FAT3: variants seen among roughly 807,000 people sequenced by gnomAD.
FAT3 encodes FAT atypical cadherin 3.
In FAT3, 95 loss-of-function variants were observed where a neutral mutation model predicts 310.2. That is an observed-to-expected ratio of 0.31 (90% CI 0.26 to 0.36). The LOEUF (loss-of-function observed/expected upper bound fraction) is 0.36. Among genes scored for constraint, FAT3 ranks in the 10% least tolerant of loss-of-function variants. The pLI is 1.00. For missense variants in FAT3, 5,408 were observed against 5,715.6 expected, an observed-to-expected ratio of 0.95 and a Z score of 1.74; for synonymous variants, 2,314 against 2,192.9, an observed-to-expected ratio of 1.06 and a Z score of -1.54.
chr11:92,886,951 C>A, intron 24 of FAT3, 49 bp from the exon 25 acceptor site: 4 of 1,464,280 alleles, frequency 2.7e-6, no homozygotes, highest in Non-Finnish European at 3.8e-6. Context: ...TGGAAATAGG[C>A]ACAAGGTAAC....
chr11:92,622,688 G>A (rs1285443141), intron 3 of FAT3, among the ~76,000 whole-genome samples: 2 of 152,154 alleles, frequency 1.3e-5, no homozygotes, highest in African/African-American at 4.8e-5. Flanking sequence ...AAGAAGTAGT[G>A]GAAAACCAGC....
At chr11:92,246,174 CTT>C (rs1159550521) in intron 1 of FAT3, among the ~76,000 whole-genome samples, 6 of 151,966 alleles carry the variant, frequency 3.9e-5, no homozygotes, top group African/African-American at 1.2e-4. Context: ...ACTGAATACT[CTT>C]TTAAGAAGTT....
chr11:92,318,783 C>A (rs2134483782), intron 1 of FAT3, among the ~76,000 whole-genome samples: 1 of 152,262 alleles, frequency 6.6e-6, no homozygotes, highest in East Asian at 1.9e-4. Context: ...GGGGAAGATA[C>A]CAGGAGAACT....
chr11:92,782,099 A>G (rs1334013247), intron 7 of FAT3, among the ~76,000 whole-genome samples: 1 of 152,158 alleles, frequency 6.6e-6, no homozygotes, highest in Non-Finnish European at 1.5e-5. Context: ...ACTTGAGGCC[A>G]GGAATTCAAC....
intron 3 of FAT3, among the ~76,000 whole-genome samples, chr11:92,646,707 A>C (rs1422038223): frequency 2.6e-5 from 4 of 152,224 alleles, no homozygotes; most frequent in African/African-American, 4.8e-5. Flanking sequence ...AAGAATAGAT[A>C]AGGTTCAAAT....
chr11:92,429,347 T>G (rs1950712343), intron 2 of FAT3, among the ~76,000 whole-genome samples: 1 of 152,194 alleles, frequency 6.6e-6, no homozygotes, highest in South Asian at 2.1e-4. Context: ...TGCCAGTCTG[T>G]GTCTTTTAAT....
chr11:92,708,486 A>G (rs1201638465), intron 4 of FAT3, among the ~76,000 whole-genome samples: 1 of 152,264 alleles, frequency 6.6e-6, no homozygotes, highest in Non-Finnish European at 1.5e-5. Context: ...AATTGGGACA[A>G]TAATAATACC....
chr11:92,863,369 T>C (rs1949165925), intron 21 of FAT3, among the ~76,000 whole-genome samples: 1 of 152,216 alleles, frequency 6.6e-6, no homozygotes, highest in Non-Finnish European at 1.5e-5. Context: ...CAGTAAGACT[T>C]CATGCCATAA....
chr11:92,862,882 T>C (rs1475501792), intron 21 of FAT3, among the ~76,000 whole-genome samples: 1 of 152,134 alleles, frequency 6.6e-6, no homozygotes, highest in Non-Finnish European at 1.5e-5. Flanking sequence ...CAGAGAAAAT[T>C]GAATGACTTG....
intron 3 of FAT3, among the ~76,000 whole-genome samples, chr11:92,551,677 T>C (rs1435064350): frequency 6.6e-6 from 1 of 152,184 alleles, no homozygotes; most frequent in Admixed American, 6.5e-5. Flanking sequence ...GGAGACACAC[T>C]ATGGACTTAT....
intron 1 of FAT3, among the ~76,000 whole-genome samples, chr11:92,260,763 G>T (rs1258249985): frequency 1.3e-5 from 2 of 152,056 alleles, no homozygotes; most frequent in South Asian, 4.1e-4. Flanking sequence ...TGTACCTGAG[G>T]GGGTATGTAT....
intron 3 of FAT3, among the ~76,000 whole-genome samples, chr11:92,666,120 G>T (rs1456344104): frequency 1.3e-5 from 2 of 152,106 alleles, no homozygotes; most frequent in Admixed American, 1.3e-4. Context: ...TACAAATTTT[G>T]TGACATTACC....
chr11:92,800,310 A>C lies in FAT3; in HGVS notation c.7297A>C (p.Ile2433Leu). Residue 2433 changes from isoleucine (I) to leucine (L), a missense_variant, in exon 10 of 28, where the codon ATT becomes CTT. Ile to Leu is a conservative substitution (Grantham distance 5, BLOSUM62 2). Transcript: ENST00000525166. ...TGATTTTGACCGGTTGGAATATAGC[A>C]TTTTATCTGGGAATGACCGGACGAG... Reference protein sequence around the residue: ...SSDFDRLEYSILSGNDRTSFL... With the variant: ...SSDFDRLEYSLLSGNDRTSFL... The C allele has an allele frequency of 6.2e-7, 1 of 1,613,826 alleles. No individual in the cohort carries two copies.
chr11:92,285,045 T>G (rs532516505), intron 1 of FAT3, among the ~76,000 whole-genome samples: 1 of 152,176 alleles, frequency 6.6e-6, no homozygotes, highest in African/African-American at 2.4e-5. Flanking sequence ...CTTCCCTCAG[T>G]GGGAATGAGA....
intron 2 of FAT3, among the ~76,000 whole-genome samples, chr11:92,412,143 G>A (rs184745209): frequency 1.6e-3 from 239 of 151,938 alleles, no homozygotes; most frequent in African/African-American, 5.3e-3. Context: ...TCGCTCTGTC[G>A]CCAGGCTGGA....
chr11:92,536,739 C>CTG (rs1207585425), intron 3 of FAT3, among the ~76,000 whole-genome samples: 1 of 152,104 alleles, frequency 6.6e-6, no homozygotes, highest in Admixed American at 6.5e-5. Context: ...TTGTGATCAT[C>CTG]TGTTGATTTC....
At chr11:92,774,281 T>A in intron 7 of FAT3, 101 bp downstream of exon 7, 2 of 1,256,502 alleles carry the variant, frequency 1.6e-6, no homozygotes, top group Non-Finnish European at 1.1e-6. Flanking sequence ...GTAAATTATG[T>A]CGACGGTTTT....
At chr11:92,622,953 A>G (rs1941153025) in intron 3 of FAT3, among the ~76,000 whole-genome samples, 1 of 152,038 alleles carries the variant, frequency 6.6e-6, no homozygotes. Context: ...CCATGACAAT[A>G]TATCAGCCCC....
At chr11:92,412,746 A>ATACACACACATATATAT (rs1591252852) in intron 2 of FAT3, among the ~76,000 whole-genome samples, 2 of 18,080 alleles carry the variant, frequency 1.1e-4, no homozygotes, top group Non-Finnish European at 1.1e-4. Flanking sequence ...TATATATATA[A>ATACACACACATATATAT]ATATACATAC....
Sources: allele counts gnomAD v4.1 joint callset (sites outside exome capture counted in the v4.1 genomes callset), GRCh38; gene constraint gnomAD v4.1.1; transcripts MANE v1.5; gene names NCBI Gene and HGNC (gene_info 2026-07-23, HGNC 2026-07-21).